Variants in JPT2 observed in about 807,000 individuals in gnomAD.
The protein encoded by JPT2 is Jupiter microtubule associated homolog 2.
Under a neutral mutation model 15.9 loss-of-function variants are expected in JPT2, and 9 were observed. The ratio of observed to expected loss-of-function variants is 0.57; its 90% CI spans 0.34 to 0.99. The LOEUF (loss-of-function observed/expected upper bound fraction) is 0.99. Ranked by LOEUF, JPT2 falls within the 50% of genes least tolerant of loss-of-function variation. The pLI, the probability that JPT2 is intolerant of heterozygous loss-of-function variation, is 0.02. For missense variants in JPT2, 267 were observed against 252.1 expected (o/e 1.06, Z -0.40); for synonymous variants, 95 against 91.7 (o/e 1.04, Z -0.21).
chr16:1,690,005 G>T (rs143546800), intron 2 of JPT2: 160 of 152,342 alleles, frequency 1.1e-3, no homozygotes, highest in African/African-American at 3.7e-3. Flanking sequence ...ACATTTCTCT[G>T]CAGGGCGAGT....
Position 1,691,950 on chromosome 16 carries a change from G to A in JPT2, c.301G>A (p.Ala101Thr), listed in dbSNP as rs2037106479. 1 of 1,614,092 alleles carries A rather than the reference G, an allele frequency of 6.2e-7. No homozygotes were observed. Among genetic ancestry groups the A allele is most frequent in the Admixed American group, 1.7e-5 (1 of 60,010 alleles). Reference protein sequence around the residue: ...TSDIFGSPVTATSRLAHPNKP... With the variant: ...TSDIFGSPVTTTSRLAHPNKP... ...CGACATTTTTGGGTCTCCGGTCACT[G>A]CCACTTCACGCTTGGCACACCCAAA... Residue 101 changes from alanine to threonine, a missense_variant, in exon 3 of 5, where the codon GCC becomes ACC. Coordinates refer to ENST00000248098, the MANE Select transcript of JPT2 (RefSeq NM_144570.3).
chr16:1,683,663 G>T, intron 1 of JPT2: 1 of 1,072,146 alleles, frequency 9.3e-7, no homozygotes, highest in Non-Finnish European at 1.4e-6. Context: ...GGAGACTGAA[G>T]CACTCTCTGC....
intron 3 of JPT2, 33 bp from the exon 4 acceptor site, chr16:1,697,779 T>A: frequency 1.2e-6 from 2 of 1,607,906 alleles, no homozygotes; most frequent in Non-Finnish European, 1.7e-6. Context: ...ATTTTCTGAG[T>A]GAGTCCTGAT....
intron 2 of JPT2, 145 bp downstream of exon 2, chr16:1,685,732 CTGATTTG>C: frequency 1.2e-6 from 1 of 837,734 alleles, no homozygotes; most frequent in Admixed American, 3.0e-5. Context: ...TGAAAACGTT[CTGATTTG>C]TACTTTCTCT....
At chr16:1,690,044 A>G (rs2037093707) in intron 2 of JPT2, 1 of 152,208 alleles carries the variant, frequency 6.6e-6, no homozygotes, top group Non-Finnish European at 1.5e-5. Context: ...TTCTGTTACC[A>G]CCTGCAAAAG....
chr16:1,688,746 C>G (rs929336500), intron 2 of JPT2: 13 of 152,286 alleles, frequency 8.5e-5, no homozygotes, highest in African/African-American at 3.1e-4. Flanking sequence ...CAAAATAACA[C>G]AGAGCCCTTG....
intron 1 of JPT2, among the ~76,000 whole-genome samples, chr16:1,678,768 C>G (rs1567467042): frequency 7.1e-6 from 1 of 141,588 alleles, no homozygotes; most frequent in Non-Finnish European, 1.5e-5. Flanking sequence ...TCCATGTTCC[C>G]GGGGGGGTGT....
chr16:1,683,633 G>A lies in JPT2; in HGVS notation c.45-1806G>A. On this transcript the variant is annotated intron_variant, in intron 1 of 4. Transcript: ENST00000248098. Reference sequence around the variant, plus strand: ...CTTGGTTTCTGGGGTACAGTAGCCAGCCCGTGGGTCTCTGCAGGCGGAGAC... The same window carrying A: ...CTTGGTTTCTGGGGTACAGTAGCCAACCCGTGGGTCTCTGCAGGCGGAGAC... The A allele has an allele frequency of 2.1e-6, 3 of 1,426,536 alleles. No individual in the cohort carries two copies. In the South Asian group the frequency reaches 3.7e-5, roughly 17 times the overall value. 88.4% of individuals were successfully genotyped at this position (1,426,536 alleles called of 1,614,324 possible).
At chr16:1,692,135 T>C in intron 3 of JPT2, 150 bp downstream of exon 3, 1 of 1,045,038 alleles carries the variant, frequency 9.6e-7, no homozygotes, top group Non-Finnish European at 1.4e-6. Context: ...TCATCGAGTT[T>C]GGAAGTTCCC....
At position 1,699,022 on chromosome 16, in the gene JPT2, G is replaced by A. The variant is rs768986629; in HGVS notation, c.*24G>A. The A allele has an allele frequency of 3.7e-6, 6 of 1,609,856 alleles. No individual in the cohort carries two copies. The East Asian group carries it at 1.3e-4, about 36-fold the overall frequency. ...AAGAGAAGCCACTGCTCCACCCGGA[G>A]CCAGACCAGAAACTCAAGAGATAGG... On this transcript the variant is annotated 3_prime_UTR_variant, in exon 5 of 5. Coordinates refer to ENST00000248098, the MANE Select transcript of JPT2 (RefSeq NM_144570.3).
intron 2 of JPT2, among the ~76,000 whole-genome samples, chr16:1,687,672 G>A (rs188745027): frequency 1.2e-4 from 19 of 152,304 alleles, no homozygotes; most frequent in Non-Finnish European, 2.6e-4. Flanking sequence ...CACAGTGTGT[G>A]GTGCCAGCCA....
At chr16:1,679,675 C>CAGAGCAA (rs1409642474) in intron 1 of JPT2, among the ~76,000 whole-genome samples, 1 of 144,312 alleles carries the variant, frequency 6.9e-6, no homozygotes, top group Non-Finnish European at 1.5e-5. Flanking sequence ...CCAGCCTGTA[C>CAGAGCAA]GACAGAGCAA....
intron 2 of JPT2, chr16:1,686,305 G>C (rs906164528): frequency 6.6e-6 from 1 of 151,974 alleles, no homozygotes; most frequent in Non-Finnish European, 1.5e-5. Context: ...CCCAGGAGGC[G>C]GAGCTTGCAG....
At chr16:1,688,421 A>C (rs1308103391) in intron 2 of JPT2, 1 of 152,232 alleles carries the variant, frequency 6.6e-6, no homozygotes, top group Non-Finnish European at 1.5e-5. Flanking sequence ...CACTGGGATA[A>C]ATTTCTCAAA....
chr16:1,680,497 A>G (rs1461264432), intron 1 of JPT2: 1 of 1,249,130 alleles, frequency 8.0e-7, no homozygotes, highest in Admixed American at 2.5e-5. Context: ...CTGGATGATG[A>G]GGTATCACTG....
At chr16:1,697,885 C>G in intron 4 of JPT2, 25 bp downstream of exon 4, 1 of 1,604,578 alleles carries the variant, frequency 6.2e-7, no homozygotes, top group Non-Finnish European at 8.5e-7. Context: ...TCTTTCCCTT[C>G]TCCTGAGTGG....
chr16:1,696,186 G>A (rs931987998), intron 3 of JPT2, among the ~76,000 whole-genome samples: 3 of 151,618 alleles, frequency 2.0e-5, no homozygotes, highest in Middle Eastern at 3.4e-3. Context: ...TTGAGACTGC[G>A]CCATTGCACT....
At chr16:1,688,404 A>G (rs2037082641) in intron 2 of JPT2, 1 of 152,236 alleles carries the variant, frequency 6.6e-6, no homozygotes, top group Non-Finnish European at 1.5e-5. Flanking sequence ...GACTTCCTGA[A>G]TGTATCCACT....
intron 3 of JPT2, among the ~76,000 whole-genome samples, chr16:1,697,514 C>CAAA (rs111429583): frequency 9.5e-5 from 11 of 115,858 alleles, no homozygotes; most frequent in Non-Finnish European, 7.5e-5. Flanking sequence ...CTCTTGTCTC[C>CAAA]AAAAAAAAAA....
Sources: allele counts gnomAD v4.1 joint callset (sites outside exome capture counted in the v4.1 genomes callset), GRCh38; gene constraint gnomAD v4.1.1; transcripts MANE v1.5; gene names NCBI Gene and HGNC (gene_info 2026-07-23, HGNC 2026-07-21).